The following CHST15 variants were observed in gnomAD, a reference collection of about 807,000 sequenced individuals.
The protein encoded by CHST15 is carbohydrate sulfotransferase 15.
A neutral mutation model predicts 53.6 loss-of-function variants in CHST15; 30 were observed. The observed-to-expected ratio is 0.56, with a 90% CI of 0.42 to 0.76. The LOEUF (loss-of-function observed/expected upper bound fraction) is 0.76. CHST15 is among the 30% of genes least tolerant of loss of function. The pLI, the probability that CHST15 is intolerant of heterozygous loss-of-function variation, is 0.00. For synonymous variants in CHST15, 296 were observed against 289.8 expected (o/e 1.02, Z -0.22); for missense variants, 627 against 740.5 (o/e 0.85, Z 1.78).
At position 124,012,326 on chromosome 10, in the gene CHST15, C is replaced by G. The variant is rs772458112; in HGVS notation, c.1495+7G>C. Reference sequence around the variant, plus strand: ...TTGGCCCGTCAGTCTAAGCACCACACTCATACCTAGGTTCAGAAACTGGAA... The same window carrying G: ...TTGGCCCGTCAGTCTAAGCACCACAGTCATACCTAGGTTCAGAAACTGGAA... On this transcript the variant is annotated splice_region_variant and intron_variant, in intron 7 of 7. Coordinates refer to ENST00000435907, the MANE Select transcript of CHST15 (RefSeq NM_001270764.2). 6.2e-7 allele frequency: 1 copy of G among 1,613,058 alleles called. No homozygotes were observed. The highest frequency in any genetic ancestry group is 8.5e-7 in the Non-Finnish European group (1 of 1,179,270).
At chr10:124,038,349 A>T (rs1018686121) in intron 5 of CHST15, among the ~76,000 whole-genome samples, 166 bp downstream of exon 5, 1 of 151,818 alleles carries the variant, frequency 6.6e-6, no homozygotes, top group Non-Finnish European at 1.5e-5. Context: ...CAGGCGATCC[A>T]CCCACCCCGG....
At position 124,008,879 on chromosome 10, in the gene CHST15, C is replaced by G. The variant is rs981682362; in HGVS notation, c.*1270G>C. The G allele has an allele frequency of 3.9e-5, 50 of 1,275,374 alleles. No homozygotes were observed. In the African/African-American group the frequency reaches 6.6e-4, roughly 17 times the overall value. 79.0% of individuals were successfully genotyped at this position (1,275,374 alleles called of 1,614,324 possible). A position where few individuals can be genotyped will look rare whatever the true frequency, so the allele number is the denominator to read the frequency against. On this transcript the variant is annotated 3_prime_UTR_variant, in exon 8 of 8. Transcript: ENST00000435907. ...AATCTTCCCTGTGACTTCCAAGAAA[C>G]GACAAGATCTCTAGCCCATCCATCG... is the stretch of plus-strand genomic sequence containing the variant.
intron 6 of CHST15, among the ~76,000 whole-genome samples, chr10:124,014,159 T>C (rs1393024488): frequency 6.6e-6 from 1 of 152,242 alleles, no homozygotes; most frequent in Non-Finnish European, 1.5e-5. Flanking sequence ...GACACTCTCA[T>C]GTCACATTTC....
chr10:124,044,734 G>A lies in CHST15; in HGVS notation c.732C>T (p.His244=), dbSNP rs186851094. 5.6e-6 allele frequency: 9 copies of A among 1,613,498 alleles called. No individual in the cohort carries two copies. Among genetic ancestry groups the A allele is most frequent in the South Asian group, 4.4e-5 (4 of 91,016 alleles). The part of the protein sequence containing the change: ...KAFWGHLAHA[H]GKHFRLRCLP... ...GGCAGCGCAGGCGGAAGTGCTTCCCGTGCGCGTGCGCCAGGTGGCCCCAGA... is the reference window on the plus strand; with the variant it reads ...GGCAGCGCAGGCGGAAGTGCTTCCCATGCGCGTGCGCCAGGTGGCCCCAGA... Residue 244 remains histidine, a synonymous_variant, in exon 3 of 8, where the codon CAC becomes CAT. Transcript: ENST00000435907.
chr10:124,087,038 A>G (rs1038946722), intron 1 of CHST15, among the ~76,000 whole-genome samples: 3 of 152,228 alleles, frequency 2.0e-5, no homozygotes, highest in African/African-American at 7.2e-5. Context: ...GTGAAGGTAC[A>G]GGTGAACTTA....
At position 124,070,442 on chromosome 10, in the gene CHST15, G is replaced by A. The variant is rs561712971; in HGVS notation, c.-513+23027C>T. ...TCACCAGGCTGGAGTGCAGTGGCTC[G>A]ATCTCGGCTCACTGCAACCTCTGCC... On this transcript the variant is annotated intron_variant, in intron 1 of 7. Transcript: ENST00000435907. 3.9e-5 allele frequency among the ~76,000 whole-genome samples: 6 copies of A among 152,252 alleles called. No homozygotes were observed. The South Asian group carries it at 1.2e-3, about 32-fold the overall frequency.
chr10:124,039,589 T>A (rs901213322), intron 4 of CHST15, among the ~76,000 whole-genome samples: 3 of 152,234 alleles, frequency 2.0e-5, no homozygotes, highest in African/African-American at 7.2e-5. Flanking sequence ...GAACGGGAAC[T>A]GGGTCCCAGC....
chr10:124,092,056 G>C (rs922760554), intron 1 of CHST15, among the ~76,000 whole-genome samples: 40 of 152,214 alleles, frequency 2.6e-4, no homozygotes, highest in African/African-American at 9.4e-4. Context: ...GAGGAGTCGG[G>C]AAGGTGCTTC....
At chr10:124,037,899 T>C (rs1179245787) in intron 5 of CHST15, among the ~76,000 whole-genome samples, 1 of 152,108 alleles carries the variant, frequency 6.6e-6, no homozygotes, top group East Asian at 1.9e-4. Flanking sequence ...ATTCTAAGGG[T>C]GTTTCCCTCG....
chr10:124,069,574 A>C (rs1296733300), intron 1 of CHST15, among the ~76,000 whole-genome samples: 1 of 152,230 alleles, frequency 6.6e-6, no homozygotes, highest in African/African-American at 2.4e-5. Flanking sequence ...TGACACGTGC[A>C]GGGCCCGTGG....
chr10:124,082,265 A>T (rs2134220200), intron 1 of CHST15, among the ~76,000 whole-genome samples: 1 of 152,302 alleles, frequency 6.6e-6, no homozygotes, highest in South Asian at 2.1e-4. Context: ...GGTTTTAGTA[A>T]GAGTTTAGGG....
intron 1 of CHST15, among the ~76,000 whole-genome samples, chr10:124,061,515 C>A (rs1308734582): frequency 6.6e-6 from 1 of 152,194 alleles, no homozygotes; most frequent in Non-Finnish European, 1.5e-5. Context: ...ACGTCTTTAT[C>A]AGCAGCGTGA....
chr10:124,076,761 G>A (rs1209895338), intron 1 of CHST15, among the ~76,000 whole-genome samples: 3 of 150,360 alleles, frequency 2.0e-5, no homozygotes, highest in Non-Finnish European at 4.4e-5. Flanking sequence ...CCAGGCTGGA[G>A]TGCAGTGGTG....
At chr10:124,028,992 T>G (rs1004855468) in intron 5 of CHST15, among the ~76,000 whole-genome samples, 1 of 151,580 alleles carries the variant, frequency 6.6e-6, no homozygotes, top group African/African-American at 2.4e-5. Context: ...GACACACTCA[T>G]GTCCTCCAAT....
chr10:124,090,050 G>A (rs781072773), intron 1 of CHST15, among the ~76,000 whole-genome samples: 4 of 152,172 alleles, frequency 2.6e-5, no homozygotes, highest in African/African-American at 4.8e-5. Flanking sequence ...GGCATGATGG[G>A]CAGCCATCAG....
rs755456289 is a variant in CHST15, at chr10:124,042,294, G to A, written c.1033+7C>T. 28 of 1,606,102 alleles carry A rather than the reference G, an allele frequency of 1.7e-5. No homozygotes were observed. Among genetic ancestry groups the A allele is most frequent in the South Asian group, 3.3e-5 (3 of 90,912 alleles). The stretch of plus-strand genomic sequence containing the variant: ...CTAGCCCTGCCAGAGTGACACAGAC[G>A]CCTTACCGATAATGATTGTATTCAT... On this transcript the variant is annotated splice_region_variant and intron_variant, in intron 4 of 7. Transcript: ENST00000435907.
intron 5 of CHST15, among the ~76,000 whole-genome samples, chr10:124,023,977 G>A (rs1946896639): frequency 6.6e-6 from 1 of 152,000 alleles, no homozygotes; most frequent in African/African-American, 2.4e-5. Flanking sequence ...CTGAGTAGCT[G>A]GAATTATAGG....
At chr10:124,067,197 T>A (rs1413563051) in intron 1 of CHST15, among the ~76,000 whole-genome samples, 1 of 152,240 alleles carries the variant, frequency 6.6e-6, no homozygotes, top group African/African-American at 2.4e-5. Flanking sequence ...TTAGGAACAT[T>A]TTTCAGAGCA....
chr10:124,009,241 G>A lies in CHST15; in HGVS notation c.*908C>T, dbSNP rs984263420. The A allele has an allele frequency of 1.9e-5, 21 of 1,097,070 alleles. No homozygotes were observed. In the East Asian group the frequency reaches 2.8e-4, roughly 15 times the overall value. 68.0% of individuals were successfully genotyped at this position (1,097,070 alleles called of 1,614,324 possible). A position where few individuals can be genotyped will look rare whatever the true frequency, so the allele number is the denominator to read the frequency against. The stretch of plus-strand genomic sequence containing the variant: ...TTTTCCAAGAAGTGTTCAATTCCTT[G>A]AGGTTGCTCATTCTGGCATTAACAG... On this transcript the variant is annotated 3_prime_UTR_variant, in exon 8 of 8. Coordinates refer to ENST00000435907, the MANE Select transcript of CHST15 (RefSeq NM_001270764.2).
Sources: allele counts gnomAD v4.1 joint callset (sites outside exome capture counted in the v4.1 genomes callset), GRCh38; gene constraint gnomAD v4.1.1; transcripts MANE v1.5; gene names NCBI Gene and HGNC (gene_info 2026-07-23, HGNC 2026-07-21).